CTNNA3: variants seen among roughly 807,000 people sequenced by gnomAD.
CTNNA3 encodes the protein catenin alpha 3, also known as catenin alpha-3.
CTNNA3 carries 76 observed loss-of-function variants against 95.7 expected under a neutral mutation model. The ratio of observed to expected loss-of-function variants is 0.79; its 90% confidence interval spans 0.66 to 0.96. The LOEUF (loss-of-function observed/expected upper bound fraction) is 0.96, where lower values mean the gene tolerates loss of function less well. CTNNA3 is among the 40% of genes least tolerant of loss of function. The pLI, the probability that CTNNA3 is intolerant of heterozygous loss-of-function variation, is 0.00. For synonymous variants in CTNNA3, 431 were observed against 374.4 expected, an observed-to-expected ratio of 1.15 and a Z score of -1.74; for missense variants, 1,191 against 1,089.8, an observed-to-expected ratio of 1.09 and a Z score of -1.31.
intron 17 of CTNNA3, among the ~76,000 whole-genome samples, chr10:65,957,212 C>A (rs186233127): frequency 2.0e-5 from 3 of 151,952 alleles, no homozygotes; most frequent in African/African-American, 7.3e-5. Flanking sequence ...GGATTGCAAC[C>A]CCTGCCTTTT....
chr10:66,809,604 T>A (rs924942538), intron 7 of CTNNA3, among the ~76,000 whole-genome samples: 2 of 152,128 alleles, frequency 1.3e-5, no homozygotes, highest in Non-Finnish European at 2.9e-5. Flanking sequence ...TTTACTTAAG[T>A]GATTCACTAG....
intron 10 of CTNNA3, among the ~76,000 whole-genome samples, chr10:66,525,681 C>T (rs143725905): frequency 3.3e-5 from 5 of 152,140 alleles, no homozygotes; most frequent in East Asian, 3.9e-4. Context: ...ATATAAAATT[C>T]GCTAAGTTAA....
chr10:66,009,630 G>A (rs139529096), intron 15 of CTNNA3, among the ~76,000 whole-genome samples: 158 of 152,226 alleles, frequency 1.0e-3, no homozygotes, highest in African/African-American at 3.4e-3. Flanking sequence ...ATTTTTTCCA[G>A]ATTATATTTC....
intron 9 of CTNNA3, among the ~76,000 whole-genome samples, chr10:66,753,277 C>T (rs533018147): frequency 7.9e-5 from 12 of 152,274 alleles, no homozygotes; most frequent in Admixed American, 7.2e-4. Context: ...TTGGAGGATG[C>T]TTTGTATATA....
rs1246864923 is a variant in CTNNA3 at position 67,742,886 on chromosome 10, A to G, written c.-2+20548T>C. On this transcript the variant is annotated intron_variant, in intron 1 of 17. Transcript: ENST00000684154. ...ATACTATAAACACCTCTACACAAAT[A>G]AACTAGAAAATCTAGAAGAAATGGA... Among the ~76,000 whole-genome samples the G allele has an allele frequency of 1.3e-5, 2 of 151,430 alleles. 1 individual carries two copies. The highest frequency in any genetic ancestry group is 4.8e-5 in the African/African-American group (2 of 41,328).
chr10:67,385,573 A>T (rs1844122108), intron 5 of CTNNA3, among the ~76,000 whole-genome samples: 1 of 152,180 alleles, frequency 6.6e-6, no homozygotes, highest in Non-Finnish European at 1.5e-5. Context: ...TTGTACAAAT[A>T]TCTATATGTG....
At chr10:67,407,554 A>C (rs1219873376) in intron 5 of CTNNA3, among the ~76,000 whole-genome samples, 2 of 152,202 alleles carry the variant, frequency 1.3e-5, no homozygotes, top group Non-Finnish European at 2.9e-5. Context: ...TAGTATTGGA[A>C]GTTCTGACCA....
chr10:67,482,994 T>C (rs943395511), intron 5 of CTNNA3, among the ~76,000 whole-genome samples: 30 of 152,064 alleles, frequency 2.0e-4, no homozygotes, highest in African/African-American at 2.7e-4. Flanking sequence ...GACATTTATG[T>C]AGCCAAAAAA....
chr10:66,829,692 G>GA (rs140759441), intron 7 of CTNNA3, among the ~76,000 whole-genome samples: 32 of 145,530 alleles, frequency 2.2e-4, no homozygotes, highest in East Asian at 1.0e-3. Context: ...TAACATTTTG[G>GA]AAAAAAAAAA....
chr10:66,541,358 T>A (rs1264181122), intron 10 of CTNNA3, among the ~76,000 whole-genome samples: 1 of 152,208 alleles, frequency 6.6e-6, no homozygotes. Context: ...CTCTTCTGGA[T>A]CATTTGCAAG....
chr10:67,482,016 C>T (rs957513511), intron 5 of CTNNA3, among the ~76,000 whole-genome samples: 5 of 152,112 alleles, frequency 3.3e-5, no homozygotes, highest in African/African-American at 7.2e-5. Context: ...ATCCTTTCCC[C>T]ATTGCTTGTT....
intron 4 of CTNNA3, among the ~76,000 whole-genome samples, chr10:67,530,256 T>C (rs1481741780): frequency 1.3e-5 from 2 of 152,074 alleles, no homozygotes; most frequent in East Asian, 1.9e-4. Context: ...CAGGCAGCGG[T>C]TGGAACAGTT....
At chr10:66,664,396 C>T (rs1846369840) in intron 9 of CTNNA3, among the ~76,000 whole-genome samples, 1 of 151,964 alleles carries the variant, frequency 6.6e-6, no homozygotes, top group Non-Finnish European at 1.5e-5. Context: ...TTTTAGGAAA[C>T]GTTTGGAGCT....
At chr10:66,121,859 G>A (rs1299591885) in intron 13 of CTNNA3, among the ~76,000 whole-genome samples, 2 of 152,146 alleles carry the variant, frequency 1.3e-5, no homozygotes, top group Non-Finnish European at 2.9e-5. Context: ...AAAAGTTGCT[G>A]AGGTTTACCA....
chr10:66,462,319 A>G lies in CTNNA3; in HGVS notation c.1531+58298T>C, dbSNP rs540040231. On this transcript the variant is annotated intron_variant, in intron 11 of 17. Coordinates refer to ENST00000433211, the MANE Select transcript of CTNNA3 (RefSeq NM_013266.4). The stretch of plus-strand genomic sequence containing the variant: ...AATATCATGTTACACAATTCTTCAT[A>G]AGATTTAGTTTGCTTTTTCTTGGAA... Among the ~76,000 whole-genome samples, 5 of 152,160 alleles carry G rather than the reference A, an allele frequency of 3.3e-5. No individual in the cohort carries two copies. In the South Asian group the frequency reaches 1.0e-3, roughly 32 times the overall value.
chr10:67,651,347 A>G (rs1839872948), intron 1 of CTNNA3, among the ~76,000 whole-genome samples: 1 of 152,146 alleles, frequency 6.6e-6, no homozygotes, highest in Admixed American at 6.5e-5. Flanking sequence ...ATTTTTATTT[A>G]CTCCTAAATG....
At chr10:65,995,912 C>T (rs991039037) in intron 15 of CTNNA3, among the ~76,000 whole-genome samples, 2 of 152,106 alleles carry the variant, frequency 1.3e-5, no homozygotes, top group Admixed American at 6.5e-5. Flanking sequence ...GCCAGACAAG[C>T]CTGTCATTAG....
chr10:67,584,625 G>A (rs1009695264), intron 3 of CTNNA3, among the ~76,000 whole-genome samples: 1 of 152,228 alleles, frequency 6.6e-6, no homozygotes, highest in Non-Finnish European at 1.5e-5. Flanking sequence ...GTCTGCAGAA[G>A]TTTCTGCTGC....
At chr10:67,300,906 T>G (rs2132495099) in intron 5 of CTNNA3, among the ~76,000 whole-genome samples, 1 of 152,372 alleles carries the variant, frequency 6.6e-6, no homozygotes, top group Non-Finnish European at 1.5e-5. Context: ...AATCAGCATC[T>G]GCCTGTGAGA....
Sources: allele counts gnomAD v4.1 joint callset (sites outside exome capture counted in the v4.1 genomes callset), GRCh38; gene constraint gnomAD v4.1.1; transcripts MANE v1.5; gene names NCBI Gene and HGNC (gene_info 2026-07-23, HGNC 2026-07-21).